Variants in UNC13A observed in about 807,000 individuals in gnomAD.
UNC13A encodes the protein protein unc-13 homolog A.
A neutral mutation model predicts 219.7 loss-of-function variants in UNC13A; 61 were observed. The ratio of observed to expected loss-of-function variants is 0.28; its 90% confidence interval spans 0.23 to 0.34. The LOEUF is 0.34. Among genes scored for constraint, UNC13A ranks in the 10% least tolerant of loss-of-function variants. The pLI is 1.00. For missense variants in UNC13A, 1,476 were observed against 2,270.3 expected (o/e 0.65, Z 7.11); for synonymous variants, 920 against 884.6 (o/e 1.04, Z -0.71).
In UNC13A at chr19:17,606,336, C is replaced by A; in HGVS notation, c.4830G>T (p.Ala1610=). 2 of 1,546,486 alleles carry A rather than the reference C, an allele frequency of 1.3e-6. No individual in the cohort carries two copies. The highest frequency in any genetic ancestry group is 2.4e-5 in the South Asian group (2 of 84,154). The part of the protein sequence containing the change: ...ESFQFTLSAD[A]GPECYELQVC... ...CCTGCAGCTCATAGCACTCGGGACC[C>A]GCGTCGGCGCTCAGCGTGCTGCGTG... is the stretch of plus-strand genomic sequence containing the variant. Residue 1610 remains alanine, a synonymous_variant, in exon 44 of 44, where the codon GCG becomes GCT. Coordinates refer to ENST00000519716, the MANE Select transcript of UNC13A (RefSeq NM_001080421.3).
At chr19:17,653,642 TC>T (rs1345806040) in intron 11 of UNC13A, among the ~76,000 whole-genome samples, 1 of 150,528 alleles carries the variant, frequency 6.6e-6, no homozygotes, top group Non-Finnish European at 1.5e-5. Context: ...AGCCACTGCA[TC>T]CGGCTCTGAA....
chr19:17,680,889 CTTTTTTTT>C (rs375785182), intron 1 of UNC13A, among the ~76,000 whole-genome samples: 25 of 48,696 alleles, frequency 5.1e-4, no homozygotes, highest in South Asian at 2.1e-3. Context: ...CTTTTCTTTT[CTTTTTTTT>C]TTTTTTTTTT....
chr19:17,639,807 G>A, intron 23 of UNC13A, 33 bp downstream of exon 23: 2 of 1,611,612 alleles, frequency 1.2e-6, no homozygotes, highest in Non-Finnish European at 1.7e-6. Context: ...CATGTGCGTG[G>A]GGTGAGCAAA....
rs749019891 is a variant in UNC13A at position 17,674,080 on chromosome 19, T to A, written c.152+577A>T. On this transcript the variant is annotated intron_variant, in intron 3 of 43. Coordinates refer to ENST00000519716, the MANE Select transcript of UNC13A (RefSeq NM_001080421.3). This position sits in a 1 kb window ranked among gnomAD's most constrained non-coding sequence, Gnocchi z 5.0. ...AGGCATGATGCCCTGAAATTGTAGC[T>A]TGGAGGTAGTGGTCAGGGAGGGCTT... Among the ~76,000 whole-genome samples the A allele has an allele frequency of 7.9e-5, 12 of 152,280 alleles. No individual in the cohort carries two copies. In the South Asian group the frequency reaches 1.7e-3, roughly 21 times the overall value.
intron 19 of UNC13A, among the ~76,000 whole-genome samples, chr19:17,644,461 G>C (rs963952156): frequency 6.7e-6 from 1 of 150,004 alleles, no homozygotes; most frequent in African/African-American, 2.5e-5. Flanking sequence ...CCAATATGTT[G>C]GGATAACAGG....
intron 1 of UNC13A, chr19:17,676,252 A>C: frequency 1.5e-6 from 1 of 684,226 alleles, no homozygotes; most frequent in Non-Finnish European, 2.7e-6. Flanking sequence ...GGAGGAGGAG[A>C]GGTAGGAAAG....
chr19:17,683,718 A>G (rs553733117), intron 1 of UNC13A, among the ~76,000 whole-genome samples: 1 of 152,214 alleles, frequency 6.6e-6, no homozygotes, highest in Admixed American at 6.5e-5. Flanking sequence ...ATATTATTGT[A>G]AGTTGTGAAG....
At chr19:17,657,991 C>T in intron 9 of UNC13A, 71 bp downstream of exon 9, 1 of 1,517,026 alleles carries the variant, frequency 6.6e-7, no homozygotes, top group Non-Finnish European at 9.0e-7. Context: ...CTCTGTCCAG[C>T]CCCGTACCCC....
chr19:17,626,269 C>T (rs2076783094), intron 34 of UNC13A: 1 of 187,744 alleles, frequency 5.3e-6, no homozygotes, highest in Non-Finnish European at 1.1e-5. Flanking sequence ...TGCATCAAAA[C>T]ATTTATTAAT....
At chr19:17,679,455 C>T (rs2079965039) in intron 1 of UNC13A, among the ~76,000 whole-genome samples, 2 of 150,102 alleles carry the variant, frequency 1.3e-5, no homozygotes, top group South Asian at 4.2e-4. Context: ...AAGATTTCCA[C>T]TAGGGAGGGC....
intron 1 of UNC13A, among the ~76,000 whole-genome samples, chr19:17,684,831 C>T (rs575922763): frequency 3.9e-4 from 60 of 152,292 alleles, no homozygotes; most frequent in African/African-American, 1.4e-3. Flanking sequence ...ACATGTGTGT[C>T]TAGGAGTGGG....
intron 36 of UNC13A, among the ~76,000 whole-genome samples, chr19:17,622,107 A>G (rs1309299992): frequency 1.3e-5 from 2 of 152,178 alleles, no homozygotes; most frequent in Non-Finnish European, 1.5e-5. Context: ...AGAGAGAGAA[A>G]GATACAGATA....
chr19:17,623,655 AC>A (rs1482495169), intron 35 of UNC13A, 108 bp from the exon 36 acceptor site: 7 of 544,196 alleles, frequency 1.3e-5, no homozygotes, highest in Non-Finnish European at 1.9e-5. Flanking sequence ...GAGGGGCAAG[AC>A]CCCTGCCCCA....
Position 17,686,298 on chromosome 19 carries a change from G to C in UNC13A, c.22+1880C>G, listed in dbSNP as rs930125503. ...CGTCAGAGTTAAGGGTGAGATCCCC[G>C]CCCCCCCCCCCCCCCCCCCACTCCA... On this transcript the variant is annotated intron_variant, in intron 1 of 43. Coordinates refer to ENST00000519716, the MANE Select transcript of UNC13A (RefSeq NM_001080421.3). 9.2e-4 allele frequency among the ~76,000 whole-genome samples: 75 copies of C among 81,722 alleles called. No individual in the cohort carries two copies. The East Asian group carries it at 0.016, about 17-fold the overall frequency. The allele number at this position is 81,722 out of a possible 152,430, so 53.6% of individuals were successfully genotyped here.
chr19:17,621,678 C>G (rs1318277016), intron 37 of UNC13A, among the ~76,000 whole-genome samples, 154 bp downstream of exon 37: 1 of 152,126 alleles, frequency 6.6e-6, no homozygotes, highest in Non-Finnish European at 1.5e-5. Context: ...CACTTCATCT[C>G]TGACTTCTGG....
chr19:17,678,076 C>A (rs994734913), intron 1 of UNC13A, among the ~76,000 whole-genome samples: 2 of 152,140 alleles, frequency 1.3e-5, no homozygotes, highest in Non-Finnish European at 2.9e-5. Context: ...GTATCTCTGT[C>A]CTCATCGCTT....
chr19:17,608,586 C>T lies in UNC13A; in HGVS notation c.4811+1354G>A, dbSNP rs529205418. On this transcript the variant is annotated intron_variant, in intron 43 of 43. Coordinates refer to ENST00000519716, the MANE Select transcript of UNC13A (RefSeq NM_001080421.3). ...AGGCTGGAGTGCAGTGGTGCGATCT[C>T]GGCTCACTGCAAGCTCTGCCTCCCG... Among the ~76,000 whole-genome samples, 849 of 145,800 alleles carry T rather than the reference C, an allele frequency of 5.8e-3. 5 individuals are homozygous for T. The highest frequency in any genetic ancestry group is 0.01 in the Non-Finnish European group (686 of 66,458).
In UNC13A at chr19:17,617,817, C is replaced by T. The variant is rs2144951289; in HGVS notation, c.4443G>A (p.Lys1481=). The T allele has an allele frequency of 6.2e-7, 1 of 1,613,938 alleles. No homozygotes were observed. The highest frequency in any genetic ancestry group is 2.2e-5 in the East Asian group (1 of 44,882). ...CCGGGCTCTTCTCCAGGAAGGTCTT[C>T]TTGAGGCCCACGCCACCCGCGTGGA... ...QYFHAGGVGL[K]KTFLEKSPDL... is the part of the protein sequence containing the mutation. Residue 1481 remains lysine, a synonymous_variant, in exon 41 of 44, where the codon AAG becomes AAA. Transcript: ENST00000519716.
intron 11 of UNC13A, 30 bp from the exon 12 acceptor site, chr19:17,652,707 T>C: frequency 6.2e-7 from 1 of 1,613,256 alleles, no homozygotes; most frequent in Non-Finnish European, 8.5e-7. Flanking sequence ...ATATGGTCAG[T>C]GTGGCTGTCC....
Sources: gnomAD v4.1 joint callset for allele counts (sites outside exome capture counted in the v4.1 genomes callset) on GRCh38, gnomAD v4.1.1 for gene constraint, Gnocchi (gnomAD v3.1) non-coding constraint, MANE v1.5 for transcripts, NCBI Gene and HGNC (gene_info 2026-07-23, HGNC 2026-07-21) for gene names.